RYR3: variants seen among roughly 807,000 people sequenced by gnomAD.
The protein encoded by RYR3 is brain ryanodine receptor-calcium release channel.
RYR3 carries 207 observed loss-of-function variants against 584.3 expected under a neutral mutation model. The observed-to-expected ratio is 0.35, with a 90% CI of 0.32 to 0.40. The LOEUF is 0.40. RYR3 is among the 10% of genes least tolerant of loss of function. RYR3 has a pLI of 1.00. For synonymous variants in RYR3, 2,416 were observed against 2,248.5 expected (o/e 1.07, Z -2.11); for missense variants, 5,616 against 6,089.2 (o/e 0.92, Z 2.59).
At chr15:33,639,032 G>A (rs2061654708) in intron 27 of RYR3, among the ~76,000 whole-genome samples, 1 of 152,110 alleles carries the variant, frequency 6.6e-6, no homozygotes, top group Non-Finnish European at 1.5e-5. Context: ...AGAAACTATT[G>A]TCTTCTCTGA....
chr15:33,507,871 G>T (rs772314236), intron 3 of RYR3, among the ~76,000 whole-genome samples: 1 of 152,094 alleles, frequency 6.6e-6, no homozygotes, highest in Non-Finnish European at 1.5e-5. Flanking sequence ...AATTAAATGA[G>T]ATCAGTGCCT....
chr15:33,478,533 A>G (rs1270080360), intron 2 of RYR3, among the ~76,000 whole-genome samples: 2 of 152,222 alleles, frequency 1.3e-5, no homozygotes, highest in Non-Finnish European at 1.5e-5. Context: ...GCTATCAATC[A>G]GGGATCATTT....
At chr15:33,793,351 C>G (rs2075275479) in intron 67 of RYR3, among the ~76,000 whole-genome samples, 1 of 152,158 alleles carries the variant, frequency 6.6e-6, no homozygotes, top group South Asian at 2.1e-4. Flanking sequence ...GTGATTTAGA[C>G]TGAACTCAAT....
At chr15:33,525,636 A>T (rs1417595795) in intron 3 of RYR3, among the ~76,000 whole-genome samples, 2 of 152,210 alleles carry the variant, frequency 1.3e-5, no homozygotes, top group African/African-American at 4.8e-5. Flanking sequence ...GATTTCTAAA[A>T]ATTTAACATT....
At chr15:33,425,785 G>A (rs1196443477) in intron 1 of RYR3, among the ~76,000 whole-genome samples, 1 of 151,796 alleles carries the variant, frequency 6.6e-6, no homozygotes, top group South Asian at 2.1e-4. Flanking sequence ...GGGACTACAG[G>A]CGCCCGCCAC....
At chr15:33,831,268 A>C (rs866640256) in intron 86 of RYR3, among the ~76,000 whole-genome samples, 177 bp downstream of exon 86, 2 of 152,276 alleles carry the variant, frequency 1.3e-5, no homozygotes, top group African/African-American at 4.8e-5. Context: ...ACAAGCAGCT[A>C]TAGTTTGGGG....
intron 10 of RYR3, among the ~76,000 whole-genome samples, chr15:33,555,170 C>T (rs569601699): frequency 6.6e-6 from 1 of 152,160 alleles, no homozygotes; most frequent in Non-Finnish European, 1.5e-5. Context: ...ATGTGACTTC[C>T]CTGCCTACGT....
In RYR3 at chr15:33,584,315, A is replaced by C. The variant is rs540582689; in HGVS notation, c.1574-80A>C. The C allele has an allele frequency of 8.7e-6, 6 of 693,622 alleles. No individual in the cohort carries two copies. In the East Asian group the frequency reaches 1.1e-4, roughly 13 times the overall value. The allele number at this position is 693,622 out of a possible 1,614,324, so 43.0% of individuals were successfully genotyped here. A position where few individuals can be genotyped will look rare whatever the true frequency, so the allele number is the denominator to read the frequency against. ...TTCCTTTTAGTTGCTAAGCAAGTGA[A>C]ATATTCGACAGCTTTCCAAGTTCTC... On this transcript the variant is annotated intron_variant, in intron 14 of 103. Coordinates refer to ENST00000634891, the MANE Select transcript of RYR3 (RefSeq NM_001036.6).
rs1008765427 is a variant in RYR3 at position 33,603,052 on chromosome 15, A to G, written c.1923-71A>G. 121 of 1,554,920 alleles carry G rather than the reference A, an allele frequency of 7.8e-5. No homozygotes were observed. In the Middle Eastern group the frequency reaches 2.1e-3, roughly 27 times the overall value. The stretch of plus-strand genomic sequence containing the variant: ...ACGTGTAAATGGGCCGTTGCCTCCT[A>G]TGGTCTGGTTCAACTTGCTTTCTCA... On this transcript the variant is annotated intron_variant, in intron 17 of 103. Coordinates refer to ENST00000634891, the MANE Select transcript of RYR3 (RefSeq NM_001036.6).
chr15:33,445,988 T>A (rs903940430), intron 1 of RYR3, among the ~76,000 whole-genome samples: 1 of 152,168 alleles, frequency 6.6e-6, no homozygotes, highest in Non-Finnish European at 1.5e-5. Flanking sequence ...AACCTTTACA[T>A]GAACTCTCAG....
chr15:33,366,980 C>A (rs1430126813), intron 1 of RYR3, among the ~76,000 whole-genome samples: 2 of 152,182 alleles, frequency 1.3e-5, no homozygotes, highest in Non-Finnish European at 2.9e-5. Flanking sequence ...ATTGGGTGTA[C>A]CTGATATTAG....
At position 33,860,337 on chromosome 15, in the gene RYR3, G is replaced by A. The variant is rs1597103366; in HGVS notation, c.14300-258G>A. On this transcript the variant is annotated intron_variant, in intron 100 of 103. Transcript: ENST00000634891. ...CTAAGCAAAATAGGAGACCAACCAG[G>A]GAGAAGTAGAAAGGAAAGAGTTTCA... 2.6e-5 allele frequency among the ~76,000 whole-genome samples: 4 copies of A among 152,198 alleles called. No individual in the cohort carries two copies. In the South Asian group the frequency reaches 6.2e-4, roughly 24 times the overall value.
At position 33,811,025 on chromosome 15, in the gene RYR3, C is replaced by T. The variant is rs774150947; in HGVS notation, c.10245C>T (p.His3415=). The T allele has an allele frequency of 8.1e-6, 13 of 1,608,548 alleles. No homozygotes were observed. The highest frequency in any genetic ancestry group is 8.5e-7 in the Non-Finnish European group (1 of 1,177,712). ...GAGAACATCTGCGGAACAACTTGCA[C>T]TTGCAGGAAAAGGTGATGACTCAGG... ...EVREHLRNNL[H]LQEKSDDPAV... is the part of the protein sequence containing the mutation. Residue 3415 remains histidine, a synonymous_variant, in exon 72 of 104, where the codon CAC becomes CAT. Coordinates refer to ENST00000634891, the MANE Select transcript of RYR3 (RefSeq NM_001036.6).
At chr15:33,643,001 A>C (rs571959749) in intron 27 of RYR3, among the ~76,000 whole-genome samples, 1 of 152,244 alleles carries the variant, frequency 6.6e-6, no homozygotes, top group African/African-American at 2.4e-5. Flanking sequence ...CGTTTCACTT[A>C]TGTAACTTGT....
rs113750607 is a variant in RYR3 at position 33,364,562 on chromosome 15, A to T, written c.51+53466A>T. On this transcript the variant is annotated intron_variant, in intron 1 of 103. Transcript: ENST00000634891. Reference sequence around the variant, plus strand: ...AGATAGAGTAATGGTGGGAGACTTCAAATATTTGGGCCTGTAGAGGCAGAT... The same window carrying T: ...AGATAGAGTAATGGTGGGAGACTTCTAATATTTGGGCCTGTAGAGGCAGAT... Among the ~76,000 whole-genome samples, 504 of 152,278 alleles carry T rather than the reference A, an allele frequency of 3.3e-3. 2 individuals carry two copies. The highest frequency in any genetic ancestry group is 0.011 in the African/African-American group (471 of 41,552).
intron 55 of RYR3, among the ~76,000 whole-genome samples, chr15:33,749,178 C>A (rs950777195): frequency 6.6e-6 from 1 of 152,146 alleles, no homozygotes; most frequent in South Asian, 2.1e-4. Flanking sequence ...TGAAATTTAG[C>A]ACCTCAATGG....
intron 48 of RYR3, among the ~76,000 whole-genome samples, chr15:33,732,477 G>A (rs1466518069): frequency 1.3e-5 from 2 of 151,844 alleles, no homozygotes; most frequent in Non-Finnish European, 2.9e-5. Context: ...GGGAATTAAA[G>A]GCAATAATTT....
At chr15:33,444,608 A>G (rs1383311238) in intron 1 of RYR3, among the ~76,000 whole-genome samples, 2 of 152,168 alleles carry the variant, frequency 1.3e-5, no homozygotes, top group African/African-American at 4.8e-5. Flanking sequence ...GCTCTGCTAT[A>G]TATTAGCAAT....
Position 33,570,221 on chromosome 15 carries a change from T to C in RYR3, c.1268+3422T>C, listed in dbSNP as rs562606701. The stretch of plus-strand genomic sequence containing the variant: ...CAAAATTTTAGCGTTTACATTTAGG[T>C]CCGTGATCTATTTTGAGTCTATTTC... On this transcript the variant is annotated intron_variant, in intron 12 of 103. Transcript: ENST00000634891. Among the ~76,000 whole-genome samples the C allele has an allele frequency of 3.4e-4, 52 of 152,294 alleles. No homozygotes were observed. The South Asian group carries it at 0.011, about 31-fold the overall frequency.
Sources: allele counts gnomAD v4.1 joint callset (sites outside exome capture counted in the v4.1 genomes callset), GRCh38; gene constraint gnomAD v4.1.1; transcripts MANE v1.5; gene names NCBI Gene and HGNC (gene_info 2026-07-23, HGNC 2026-07-21).